The following GPR173 variants were observed in gnomAD, a reference collection of about 807,000 sequenced individuals.
The protein encoded by GPR173 is G protein-coupled receptor 173, also known as probable G protein-coupled receptor 173.
A neutral mutation model predicts 13.9 loss-of-function variants in GPR173; 2 were observed. The ratio of observed to expected loss-of-function variants is 0.14; its 90% confidence interval spans 0.06 to 0.45. The LOEUF is 0.45. Among genes scored for constraint, GPR173 ranks in the 20% least tolerant of loss-of-function variants. The probability of loss-of-function intolerance (pLI) is 0.98; values close to 1 mark genes in which losing one functional copy is unlikely to be tolerated. For synonymous variants in GPR173, 131 were observed against 141.0 expected, an observed-to-expected ratio of 0.93 and a Z score of 0.50; for missense variants, 202 against 340.5, an observed-to-expected ratio of 0.59 and a Z score of 3.20.
At chrX:53,055,889 A>AGT (rs112784276) in intron 1 of GPR173, among the ~76,000 whole-genome samples, 1,048 of 97,517 alleles carry the variant, frequency 0.011, 6 homozygotes, top group Admixed American at 0.04. Flanking sequence ...CTGTATTTGG[A>AGT]GTGTGTGTGT....
At chrX:53,073,593 C>A (rs1932298500) in intron 1 of GPR173, among the ~76,000 whole-genome samples, 2 of 107,225 alleles carry the variant, frequency 1.9e-5, no homozygotes, top group East Asian at 5.9e-4. Flanking sequence ...ACAGCCCCAG[C>A]CCATTTAATC....
At chrX:53,069,903 A>T (rs1469796767) in intron 1 of GPR173, among the ~76,000 whole-genome samples, 1 of 110,286 alleles carries the variant, frequency 9.1e-6, no homozygotes, top group African/African-American at 3.3e-5. Flanking sequence ...TTTGTGTTAG[A>T]GCATGTGTGT....
chrX:53,074,951 C>G (rs1354631625), intron 1 of GPR173, among the ~76,000 whole-genome samples: 1 of 104,131 alleles, frequency 9.6e-6, no homozygotes, highest in Admixed American at 1.1e-4. Flanking sequence ...GACCCCTGCT[C>G]TTCACAACGG....
At position 53,075,012 on chromosome X, in the gene GPR173, A is replaced by G. The variant is rs1386814647; in HGVS notation, c.-97-1513A>G. Among the ~76,000 whole-genome samples, 4 of 101,068 alleles carry G rather than the reference A, an allele frequency of 4.0e-5. No individual in the cohort carries two copies. In the East Asian group the frequency reaches 1.2e-3, roughly 30 times the overall value. 87.8% of individuals were successfully genotyped at this position (101,068 alleles called of 115,157 possible). A position where few individuals can be genotyped will look rare whatever the true frequency, so the allele number is the denominator to read the frequency against. On this transcript the variant is annotated intron_variant, in intron 1 of 1. Coordinates refer to ENST00000332582, the MANE Select transcript of GPR173 (RefSeq NM_018969.6). ...ATCATACCACATCTGGCCTCTGCTC[A>G]GAATCCTCCCGTGACTCCCATCTCA...
At chrX:53,061,582 TA>T (rs1157982437) in intron 1 of GPR173, among the ~76,000 whole-genome samples, 3 of 111,609 alleles carry the variant, frequency 2.7e-5, no homozygotes, top group South Asian at 3.7e-4. Context: ...TGAAGAGGGT[TA>T]GGGGTACTAG....
At chrX:53,074,172 A>G (rs1932354008) in intron 1 of GPR173, among the ~76,000 whole-genome samples, 1 of 99,991 alleles carries the variant, frequency 1.0e-5, no homozygotes, top group Non-Finnish European at 1.9e-5. Flanking sequence ...ATATATAAAT[A>G]TACATGTATA....
chrX:53,074,390 A>C (rs1374094178), intron 1 of GPR173, among the ~76,000 whole-genome samples: 2 of 64,781 alleles, frequency 3.1e-5, no homozygotes, highest in Non-Finnish European at 5.0e-5. Context: ...ATATAAATAT[A>C]TATAAATATA....
intron 1 of GPR173, among the ~76,000 whole-genome samples, chrX:53,063,147 G>GTCCAT (rs1195055685): frequency 9.1e-6 from 1 of 109,952 alleles, no homozygotes; most frequent in African/African-American, 3.3e-5. Context: ...TCCCCAGGCT[G>GTCCAT]TCCATGAAAT....
chrX:53,049,975 T>TGTGTGTGC lies in GPR173; in HGVS notation c.-98+492_-98+493insTGTGTGCG, dbSNP rs782276225. On this transcript the variant is annotated intron_variant, in intron 1 of 1. Coordinates refer to ENST00000332582, the MANE Select transcript of GPR173 (RefSeq NM_018969.6). ...GTGTGTGTGTGTGTGTGTGTGTGTGTGCACCTGGGTAGCAAGCAGGTGGGT... is the reference window on the plus strand; with the variant it reads ...GTGTGTGTGTGTGTGTGTGTGTGTGTGTGTGTGCGCACCTGGGTAGCAAGCAGGTGGGT... Among the ~76,000 whole-genome samples, 330 of 104,913 alleles carry TGTGTGTGC rather than the reference T, an allele frequency of 3.1e-3. 9 individuals are homozygous for TGTGTGTGC. The highest frequency in any genetic ancestry group is 0.011 in the African/African-American group (314 of 27,455). 91.1% of individuals were successfully genotyped at this position (104,913 alleles called of 115,157 possible).
Position 53,077,357 on chromosome X carries a change from A to G in GPR173, c.736A>G (p.Ile246Val). 5.0e-6 allele frequency: 6 copies of G among 1,198,623 alleles called. No homozygotes were observed. The highest frequency in any genetic ancestry group is 6.8e-6 in the Non-Finnish European group (6 of 888,802). The change falls in exon 2 of 2, where the codon ATC becomes GTC. Residue 246 changes from isoleucine (I) to valine (V), a missense_variant. By Grantham distance (29) the Ile-to-Val change is conservative. This residue lies in a region of GPR173 where 76 missense variants were observed against 116.3 expected (regional missense o/e 0.65). Coordinates refer to ENST00000332582, the MANE Select transcript of GPR173 (RefSeq NM_018969.6). ...CACCGGCCAGGCTGCTGCCAACTGG[A>G]TCGCCGGCTTTGGCCGTGGGCCCAT... ...GATGQAAANW[I>V]AGFGRGPMPP...
rs112892406 is a variant in GPR173, at chrX:53,079,025, G to C, written c.*1282G>C. On this transcript the variant is annotated 3_prime_UTR_variant, in exon 2 of 2. Coordinates refer to ENST00000332582, the MANE Select transcript of GPR173 (RefSeq NM_018969.6). The stretch of plus-strand genomic sequence containing the variant: ...CCCAAAGTGGAGCACACTGCAGTCA[G>C]ATTCTCCAGGAGGGAGATCCAAGCC... 0.023 allele frequency: 2,841 copies of C among 122,087 alleles called. 94 individuals are homozygous for C. The highest frequency in any genetic ancestry group is 0.089 in the African/African-American group (2,700 of 30,348). 10.1% of individuals were successfully genotyped at this position (122,087 alleles called of 1,213,427 possible).
At chrX:53,075,072 A>G (rs1371025994) in intron 1 of GPR173, among the ~76,000 whole-genome samples, 2 of 105,525 alleles carry the variant, frequency 1.9e-5, no homozygotes, top group Non-Finnish European at 3.9e-5. Flanking sequence ...GGCCTCCCTG[A>G]TCTGACCTCA....
chrX:53,074,075 C>T lies in GPR173; in HGVS notation c.-97-2450C>T, dbSNP rs1488387675. Among the ~76,000 whole-genome samples the T allele has an allele frequency of 6.7e-4, 16 of 23,736 alleles. 3 individuals are homozygous for T. The highest frequency in any genetic ancestry group is 3.3e-3 in the African/African-American group (11 of 3,342). The allele number at this position is 23,736 out of a possible 115,157, so 20.6% of individuals were successfully genotyped here. On this transcript the variant is annotated intron_variant, in intron 1 of 1. Transcript: ENST00000332582. ...ATATATTTATAAATATATAAATATA[C>T]ATGTATATTTATTTATATATAAATA...
intron 1 of GPR173, among the ~76,000 whole-genome samples, chrX:53,074,056 T>TTATTTATA (rs1569224316): frequency 1.4e-4 from 4 of 28,338 alleles, no homozygotes; most frequent in Non-Finnish European, 2.0e-4. Flanking sequence ...AAATATATAT[T>TTATTTATA]TATAAATATA....
At position 53,079,827 on chromosome X, in the gene GPR173, G is replaced by C. The variant is rs1003669451; in HGVS notation, c.*2084G>C. 3 of 122,599 alleles carry C rather than the reference G, an allele frequency of 2.4e-5. No homozygotes were observed. Among genetic ancestry groups the C allele is most frequent in the Non-Finnish European group, 5.7e-5 (3 of 53,071 alleles). 10.1% of individuals were successfully genotyped at this position (122,599 alleles called of 1,213,427 possible). A position where few individuals can be genotyped will look rare whatever the true frequency, so the allele number is the denominator to read the frequency against. ...AGGAGACAAACTAGAGTATGTGCCCGTGGTAGGAAGTCGAGTGGTCAAGAG... is the reference window on the plus strand; with the variant it reads ...AGGAGACAAACTAGAGTATGTGCCCCTGGTAGGAAGTCGAGTGGTCAAGAG... On this transcript the variant is annotated 3_prime_UTR_variant, in exon 2 of 2. Transcript: ENST00000332582.
At chrX:53,072,382 TTC>T (rs782275208) in intron 1 of GPR173, among the ~76,000 whole-genome samples, 1 of 89,541 alleles carries the variant, frequency 1.1e-5, no homozygotes, top group Non-Finnish European at 2.1e-5. Context: ...TGCTCTCCTT[TTC>T]TCTCTCTTGC....
rs142997519 is a variant in GPR173 at position 53,077,530 on chromosome X, C to T, written c.909C>T (p.Ile303=). The part of the protein sequence containing the change: ...LLFLLLWSPY[I]VACYWRVFVK... Reference sequence around the variant, plus strand: ...TTCTGCTCCTCTGGTCACCCTACATCGTGGCCTGCTACTGGCGAGTGTTTG... The same window carrying T: ...TTCTGCTCCTCTGGTCACCCTACATTGTGGCCTGCTACTGGCGAGTGTTTG... Residue 303 remains isoleucine (I), a synonymous_variant, in exon 2 of 2, where the codon ATC becomes ATT. Coordinates refer to ENST00000332582, the MANE Select transcript of GPR173 (RefSeq NM_018969.6). The T allele has an allele frequency of 3.6e-5, 44 of 1,209,691 alleles. No homozygotes were observed. Among genetic ancestry groups the T allele is most frequent in the African/African-American group, 3.3e-4 (19 of 57,670 alleles).
chrX:53,074,233 GAAATATATATAAATATACATT>G (rs1932359150), intron 1 of GPR173, among the ~76,000 whole-genome samples: 11 of 7,602 alleles, frequency 1.4e-3, no homozygotes, highest in Non-Finnish European at 2.7e-3. Context: ...TATTCATATA[GAAATATATATAAATATACATT>G]TATATTTATT....
At chrX:53,060,596 A>G (rs80266771) in intron 1 of GPR173, among the ~76,000 whole-genome samples, 1 of 105,145 alleles carries the variant, frequency 9.5e-6, no homozygotes, top group East Asian at 3.0e-4. Context: ...AAAAAAAAAA[A>G]GACAACAGAA....
Sources: allele counts gnomAD v4.1 joint callset (sites outside exome capture counted in the v4.1 genomes callset), GRCh38; gene constraint gnomAD v4.1.1; regional missense constraint gnomAD v4.1.1; transcripts MANE v1.5; gene names NCBI Gene and HGNC (gene_info 2026-07-23, HGNC 2026-07-21).